The following XRRA1 variants were observed in gnomAD, a reference collection of about 807,000 sequenced individuals.
XRRA1 encodes the protein X-ray radiation resistance-associated protein 1.
In XRRA1, 69 loss-of-function variants were observed where a neutral mutation model predicts 80.2. That is an observed-to-expected ratio of 0.86 (90% CI 0.71 to 1.05). The LOEUF (loss-of-function observed/expected upper bound fraction) is 1.05, where lower values mean the gene tolerates loss of function less well. XRRA1 is among the 50% of genes least tolerant of loss of function. The pLI, the probability that XRRA1 is intolerant of heterozygous loss-of-function variation, is 0.00. For synonymous variants in XRRA1, 348 were observed against 389.9 expected (o/e 0.89, Z 1.27); for missense variants, 967 against 976.4 (o/e 0.99, Z 0.13).
intron 10 of XRRA1, among the ~76,000 whole-genome samples, chr11:74,872,582 G>C (rs1263458457): frequency 6.6e-6 from 1 of 152,080 alleles, no homozygotes; most frequent in African/African-American, 2.4e-5. Context: ...AAGAAGGAGT[G>C]CCCAGGCAGC....
At chr11:74,893,654 A>G (rs2051423905) in intron 10 of XRRA1, among the ~76,000 whole-genome samples, 2 of 152,152 alleles carry the variant, frequency 1.3e-5, no homozygotes, top group South Asian at 4.1e-4. Flanking sequence ...AACATCACTA[A>G]TCATTAGAAA....
At chr11:74,938,186 G>T (rs1945481887) in intron 3 of XRRA1, among the ~76,000 whole-genome samples, 2 of 152,170 alleles carry the variant, frequency 1.3e-5, no homozygotes, top group South Asian at 4.1e-4. Flanking sequence ...TCTGCCTTGG[G>T]GGCTTGCCCT....
At chr11:74,849,508 G>T (rs1005789658) in intron 14 of XRRA1, among the ~76,000 whole-genome samples, 1 of 152,146 alleles carries the variant, frequency 6.6e-6, no homozygotes, top group Non-Finnish European at 1.5e-5. Context: ...CAAGGCACAG[G>T]GCACGGACAC....
intron 7 of XRRA1, among the ~76,000 whole-genome samples, chr11:74,923,987 A>G (rs1367709881): frequency 1.3e-5 from 2 of 151,806 alleles, no homozygotes; most frequent in Non-Finnish European, 2.9e-5. Flanking sequence ...CTGTGGGTCC[A>G]CAGGCACGCA....
chr11:74,898,890 C>T (rs2052987517), intron 10 of XRRA1, among the ~76,000 whole-genome samples: 1 of 151,914 alleles, frequency 6.6e-6, no homozygotes, highest in African/African-American at 2.4e-5. Flanking sequence ...ACTTAATCTG[C>T]ATCATAGAAA....
chr11:74,945,949 T>C (rs1457942294), intron 1 of XRRA1, among the ~76,000 whole-genome samples: 1 of 152,052 alleles, frequency 6.6e-6, no homozygotes, highest in East Asian at 1.9e-4. Context: ...TCAAGCCCAC[T>C]TCTTTTTTTA....
At chr11:74,877,670 A>T (rs535513479) in intron 10 of XRRA1, among the ~76,000 whole-genome samples, 60 of 131,914 alleles carry the variant, frequency 4.5e-4, no homozygotes, top group Admixed American at 1.7e-3. Context: ...TGTCCATGTG[A>T]TCTCATTGTT....
intron 5 of XRRA1, among the ~76,000 whole-genome samples, chr11:74,932,620 C>T (rs1286267313): frequency 6.6e-6 from 1 of 152,186 alleles, no homozygotes; most frequent in East Asian, 1.9e-4. Flanking sequence ...TGAGCTTTGA[C>T]CAGCCATGTT....
intron 7 of XRRA1, among the ~76,000 whole-genome samples, chr11:74,926,550 C>T (rs1385279373): frequency 6.6e-6 from 1 of 152,216 alleles, no homozygotes; most frequent in Non-Finnish European, 1.5e-5. Context: ...CCAGCCCACA[C>T]ACGTGGCTCC....
At chr11:74,849,631 GCT>G (rs936403773) in intron 14 of XRRA1, among the ~76,000 whole-genome samples, 4 of 152,146 alleles carry the variant, frequency 2.6e-5, no homozygotes, top group Non-Finnish European at 4.4e-5. Context: ...TAGAGGAAAT[GCT>G]CTTTCTCTAT....
At position 74,848,370 on chromosome 11, in the gene XRRA1, T is replaced by C. The variant is rs1209277374; in HGVS notation, c.1473A>G (p.Leu491=). 1.1e-5 allele frequency: 17 copies of C among 1,613,852 alleles called. No individual in the cohort carries two copies. Among genetic ancestry groups the C allele is most frequent in the Non-Finnish European group, 1.4e-5 (16 of 1,179,890 alleles). The stretch of plus-strand genomic sequence containing the variant: ...CTTCAGCCAGCTCTGCCTCTGGCTC[T>C]AGCATATCCTTTGAGGGAGACTTGG... ...TTTKSPSKDM[L]EPEAELAEDL... is the part of the protein sequence containing the mutation. The change falls in exon 15 of 19, where the codon CTA becomes CTG. Residue 491 remains leucine (L), a synonymous_variant. Transcript: ENST00000684022.
At chr11:74,907,064 T>C (rs978292143) in intron 9 of XRRA1, 81 bp downstream of exon 9, 9 of 1,574,204 alleles carry the variant, frequency 5.7e-6, no homozygotes, top group African/African-American at 2.7e-5. Flanking sequence ...CCCAAACCTT[T>C]TGGCTTCCAG....
rs2037736349 is a variant in XRRA1 at position 74,845,196 on chromosome 11, T to C, written c.1804A>G (p.Thr602Ala). ...LKEKDQKKPP[T>A]APREVKGTRR... is the part of the protein sequence containing the mutation. ...GTCCCTTTCACCTCTCTGGGTGCCG[T>C]TGGTGGTTTCTTTTGGTCTTTCTCC... Residue 602 changes from threonine (T) to alanine (A), a missense_variant, in exon 16 of 19, where the codon ACG (threonine) becomes GCG (alanine). Coordinates refer to ENST00000684022, the MANE Select transcript of XRRA1 (RefSeq NM_001378157.1). The C allele has an allele frequency of 1.2e-5, 19 of 1,614,046 alleles. No individual in the cohort carries two copies. The highest frequency in any genetic ancestry group is 1.6e-4 in the Middle Eastern group (1 of 6,062).
At chr11:74,933,723 A>C in intron 5 of XRRA1, 78 bp downstream of exon 5, 1 of 1,380,128 alleles carries the variant, frequency 7.2e-7, no homozygotes, top group Non-Finnish European at 1.0e-6. Flanking sequence ...CTGGAGGTGC[A>C]AGAGACAAAC....
At chr11:74,894,294 GA>G (rs1181365086) in intron 10 of XRRA1, among the ~76,000 whole-genome samples, 3 of 152,132 alleles carry the variant, frequency 2.0e-5, no homozygotes, top group Non-Finnish European at 4.4e-5. Context: ...GAGGACTGAA[GA>G]ACTACCTGTC....
At chr11:74,946,896 C>A (rs1470049207) in intron 1 of XRRA1, among the ~76,000 whole-genome samples, 1 of 152,102 alleles carries the variant, frequency 6.6e-6, no homozygotes, top group Non-Finnish European at 1.5e-5. Context: ...GGACTACAGG[C>A]GCCCGCCACC....
chr11:74,934,435 A>G (rs1743480170), intron 4 of XRRA1, among the ~76,000 whole-genome samples: 1 of 152,242 alleles, frequency 6.6e-6, no homozygotes, highest in African/African-American at 2.4e-5. Flanking sequence ...AAGCAGAGAC[A>G]TTCCATAACC....
intron 10 of XRRA1, among the ~76,000 whole-genome samples, chr11:74,889,499 C>T (rs1383192716): frequency 2.0e-5 from 3 of 152,160 alleles, no homozygotes; most frequent in Non-Finnish European, 4.4e-5. Flanking sequence ...CATCAACTAA[C>T]GAGCAAAATA....
intron 4 of XRRA1, 95 bp downstream of exon 4, chr11:74,936,789 T>C (rs1023562468): frequency 6.4e-6 from 9 of 1,406,932 alleles, no homozygotes; most frequent in African/African-American, 4.3e-5. Flanking sequence ...TTGGAGTAGA[T>C]TGGGGGTAGT....
Sources: gnomAD v4.1 joint callset for allele counts (sites outside exome capture counted in the v4.1 genomes callset) on GRCh38, gnomAD v4.1.1 for gene constraint, MANE v1.5 for transcripts, NCBI Gene and HGNC (gene_info 2026-07-23, HGNC 2026-07-21) for gene names.